RIF1: variants seen among roughly 807,000 people sequenced by gnomAD.
The protein encoded by RIF1 is replication timing regulatory factor 1.
In RIF1, 45 loss-of-function variants were observed where a neutral mutation model predicts 247.1. The ratio of observed to expected loss-of-function variants is 0.18; its 90% confidence interval spans 0.14 to 0.23. The LOEUF (loss-of-function observed/expected upper bound fraction) is 0.23. RIF1 is among the 10% of genes least tolerant of loss of function. RIF1 has a pLI of 1.00. For synonymous variants in RIF1, 1,087 were observed against 978.8 expected (o/e 1.11, Z -2.06); for missense variants, 2,967 against 2,862.5 (o/e 1.04, Z -0.83).
chr2:151,422,892 G>C lies in RIF1; in HGVS notation c.694-58G>C. On this transcript the variant is annotated intron_variant, in intron 7 of 35. Coordinates refer to ENST00000444746, the MANE Select transcript of RIF1 (RefSeq NM_018151.5). The stretch of plus-strand genomic sequence containing the variant: ...TTTTTGAAAATTATTCCTAGACTTT[G>C]GTATTGGATTTTTTTTTCTAAGAGT... The C allele has an allele frequency of 3.5e-6, 3 of 867,572 alleles. No individual in the cohort carries two copies. The South Asian group carries it at 4.5e-5, about 13-fold the overall frequency. 53.7% of individuals were successfully genotyped at this position (867,572 alleles called of 1,614,324 possible). A position where few individuals can be genotyped will look rare whatever the true frequency, so the allele number is the denominator to read the frequency against.
intron 27 of RIF1, 22 bp from the exon 28 acceptor site, chr2:151,462,220 A>G: frequency 4.1e-6 from 6 of 1,452,414 alleles, no homozygotes; most frequent in Non-Finnish European, 5.7e-6. Context: ...TTTTGAAGTT[A>G]CTTATATATA....
chr2:151,433,335 T>G, intron 10 of RIF1, 107 bp downstream of exon 10: 1 of 753,632 alleles, frequency 1.3e-6, no homozygotes, highest in Non-Finnish European at 2.1e-6. Flanking sequence ...ATTAGCAGAC[T>G]AGAACATATA....
the RIF1 span, among the ~76,000 whole-genome samples, chr2:151,522,133 T>C: frequency 2.0e-5 from 3 of 152,206 alleles, no homozygotes; most frequent in Non-Finnish European, 2.9e-5. Context: ...GGATGTAGTA[T>C]AGGAAAGTGA....
chr2:151,503,144 A>G lies in RIF1; in HGVS notation c.*820A>G, dbSNP rs114950505. 732 of 594,130 alleles carry G rather than the reference A, an allele frequency of 1.2e-3. 3 individuals are homozygous for G. The highest frequency in any genetic ancestry group is 0.012 in the African/African-American group (634 of 53,514). 36.8% of individuals were successfully genotyped at this position (594,130 alleles called of 1,614,324 possible). On this transcript the variant is annotated 3_prime_UTR_variant and NMD_transcript_variant, in exon 12 of 14. Coordinates refer to the RIF1 transcript ENST00000454583. ...GTTAATTCTACTTATAGTATTTCAAATCTAGTCAAGTCACTGAAAATGTTC... is the reference window on the plus strand; with the variant it reads ...GTTAATTCTACTTATAGTATTTCAAGTCTAGTCAAGTCACTGAAAATGTTC...
the RIF1 span, among the ~76,000 whole-genome samples, chr2:151,528,519 G>A: frequency 6.6e-5 from 10 of 152,048 alleles, no homozygotes; most frequent in African/African-American, 1.2e-4. Context: ...CCTTCTATCC[G>A]TCTGCCCTCA....
downstream of RIF1, chr2:151,508,235 T>C (rs982504223): frequency 1.7e-5 from 10 of 576,840 alleles, no homozygotes; most frequent in Non-Finnish European, 3.0e-5. Context: ...TTTTCTTAAC[T>C]GTCCAAGGAT....
chr2:151,506,131 A>C (rs1055851134), intron 12 of RIF1: 17 of 1,524,250 alleles, frequency 1.1e-5, no homozygotes, highest in Admixed American at 5.0e-5. Context: ...AAAGGGAGGC[A>C]GAAAATATTG....
chr2:151,451,665 C>A lies in RIF1; in HGVS notation c.2304C>A (p.Asp768Glu). 6.8e-7 allele frequency: 1 copy of A among 1,478,202 alleles called. No homozygotes were observed. Among genetic ancestry groups the A allele is most frequent in the Non-Finnish European group, 9.5e-7 (1 of 1,057,844 alleles). 91.6% of individuals were successfully genotyped at this position (1,478,202 alleles called of 1,614,324 possible). ...YIITVMVDCIDFSPYNIKYQP... is the reference protein window; with the variant it reads ...YIITVMVDCIEFSPYNIKYQP... Reference sequence around the variant, plus strand: ...TTACTGTAATGGTTGATTGCATTGACTTCTCACCATATAATATTAAATATC... The same window carrying A: ...TTACTGTAATGGTTGATTGCATTGAATTCTCACCATATAATATTAAATATC... Residue 768 changes from aspartate to glutamate, a missense_variant, in exon 21 of 36, where the codon GAC (aspartate) becomes GAA (glutamate). By Grantham distance (45) the Asp-to-Glu change is conservative (BLOSUM62 2). Around this residue, in one of 7 missense-constraint regions of RIF1, gnomAD observed 2,028 missense variants for 1,825.6 expected, o/e 1.11. Coordinates refer to ENST00000444746, the MANE Select transcript of RIF1 (RefSeq NM_018151.5).
At position 151,437,350 on chromosome 2, in the gene RIF1, C is replaced by T. The variant is rs879834715; in HGVS notation, c.1482C>T (p.Pro494=). 2.5e-5 allele frequency: 40 copies of T among 1,599,692 alleles called. No individual in the cohort carries two copies. The Admixed American group carries it at 2.7e-4, about 11-fold the overall frequency. ...TTGTTGCAGTTGGAAAAGATGCCCC[C>T]GGTAAGAGAATTTGATTTATTATTT... ...DSFVAVGKDA[P]DVVVSAIWKE... is the part of the protein sequence containing the mutation. Residue 494 remains proline, a splice_region_variant and synonymous_variant, in exon 13 of 36, where the codon CCC becomes CCT. Transcript: ENST00000444746.
intron 12 of RIF1, among the ~76,000 whole-genome samples, chr2:151,503,797 T>C (rs1322236532): frequency 1.3e-5 from 2 of 152,168 alleles, no homozygotes; most frequent in East Asian, 1.9e-4. Flanking sequence ...ACTTAATGAA[T>C]AGATTGCTTG....
chr2:151,503,327 T>A, intron 12 of RIF1: 1 of 1,531,660 alleles, frequency 6.5e-7, no homozygotes, highest in Non-Finnish European at 9.0e-7. Context: ...AATAGTTTCT[T>A]ATATGATATA....
the RIF1 span, among the ~76,000 whole-genome samples, chr2:151,528,014 T>G: frequency 6.6e-6 from 1 of 152,198 alleles, no homozygotes; most frequent in Non-Finnish European, 1.5e-5. Flanking sequence ...ATTATAAAAT[T>G]TTATAAAATT....
At chr2:151,413,503 G>A (rs977883313) in intron 3 of RIF1, among the ~76,000 whole-genome samples, 1 of 152,174 alleles carries the variant, frequency 6.6e-6, no homozygotes, top group African/African-American at 2.4e-5. Context: ...TATATGTCGT[G>A]TTCAGAGTTC....
chr2:151,500,987 C>A (rs2064036822), intron 11 of RIF1, among the ~76,000 whole-genome samples: 4 of 152,104 alleles, frequency 2.6e-5, no homozygotes, highest in Admixed American at 2.0e-4. Context: ...TTAAGATGAT[C>A]CCTGTTCCTA....
rs1331685616 is a variant in RIF1 at position 151,435,449 on chromosome 2, C to G, written c.1078-14C>G. On this transcript the variant is annotated splice_polypyrimidine_tract_variant and intron_variant, in intron 10 of 35. Transcript: ENST00000444746. Reference sequence around the variant, plus strand: ...TGTATAGTTTATAGATCGATGTTTTCTTTTACCCCATAGGTTTGTGTGCCT... The same window carrying G: ...TGTATAGTTTATAGATCGATGTTTTGTTTTACCCCATAGGTTTGTGTGCCT... The G allele has an allele frequency of 6.8e-7, 1 of 1,463,364 alleles. No individual in the cohort carries two copies. The highest frequency in any genetic ancestry group is 1.1e-5 in the South Asian group (1 of 87,750). The allele number at this position is 1,463,364 out of a possible 1,614,324, so 90.6% of individuals were successfully genotyped here.
intron 9 of RIF1, among the ~76,000 whole-genome samples, chr2:151,431,866 G>A (rs1329479805): frequency 6.6e-6 from 1 of 152,176 alleles, no homozygotes; most frequent in Non-Finnish European, 1.5e-5. Flanking sequence ...TGGAGAACTT[G>A]TTCATACAGT....
At chr2:151,438,797 C>A (rs772560587) in intron 14 of RIF1, 51 bp downstream of exon 14, 2 of 1,138,046 alleles carry the variant, frequency 1.8e-6, no homozygotes, top group South Asian at 2.5e-5. Context: ...AGGTGGTGAT[C>A]AGATGATTTT....
intron 19 of RIF1, 23 bp from the exon 20 acceptor site, chr2:151,446,403 T>A (rs893572545): frequency 1.1e-5 from 18 of 1,607,736 alleles, no homozygotes; most frequent in Non-Finnish European, 1.4e-5. Context: ...TAACAAAACT[T>A]CTTTTTTTGT....
downstream of RIF1, chr2:151,485,483 T>C (rs1162989651): frequency 3.5e-6 from 1 of 287,736 alleles, no homozygotes; most frequent in African/African-American, 2.2e-5. Flanking sequence ...GTGTTTGGCA[T>C]ATTCAAAATC....
Sources: gnomAD v4.1 joint callset for allele counts (sites outside exome capture counted in the v4.1 genomes callset) on GRCh38, gnomAD v4.1.1 for gene constraint, gnomAD v4.1.1 regional missense constraint, MANE v1.5 for transcripts, NCBI Gene and HGNC (gene_info 2026-07-23, HGNC 2026-07-21) for gene names.